The following ZNF503 variants were observed in gnomAD, a reference collection of about 807,000 sequenced individuals.
ZNF503 encodes the protein NocA-like zinc finger 2.
In ZNF503, 15 loss-of-function variants were observed where a neutral mutation model predicts 34.4. The ratio of observed to expected loss-of-function variants is 0.44; its 90% confidence interval spans 0.29 to 0.67. ZNF503 has a LOEUF of 0.67. Ranked by LOEUF, ZNF503 falls within the 30% of genes least tolerant of loss-of-function variation. ZNF503 has a pLI of 0.13. For missense variants in ZNF503, 1,007 were observed against 926.8 expected (o/e 1.09, Z -1.12); for synonymous variants, 580 against 456.8 (o/e 1.27, Z -3.44).
At chr10:75,357,354 C>CA in the ZNF503 span, among the ~76,000 whole-genome samples, 9,961 of 118,004 alleles carry the variant, frequency 0.084, 901 homozygotes, top group African/African-American at 0.25. Context: ...TCCATCTTTA[C>CA]AAAAAAAAAA....
At chr10:75,310,138 G>A in the ZNF503 span, among the ~76,000 whole-genome samples, 1 of 152,162 alleles carries the variant, frequency 6.6e-6, no homozygotes, top group East Asian at 1.9e-4. Context: ...CTATATTCTA[G>A]AACTTCCACT....
chr10:75,334,223 C>G, the ZNF503 span, among the ~76,000 whole-genome samples: 1 of 152,010 alleles, frequency 6.6e-6, no homozygotes, highest in Non-Finnish European at 1.5e-5. Context: ...GGGGCCCGTC[C>G]GCTCCTCCAG....
chr10:75,391,763 C>A, the ZNF503 span, among the ~76,000 whole-genome samples: 2 of 151,946 alleles, frequency 1.3e-5, no homozygotes, highest in African/African-American at 4.8e-5. Flanking sequence ...TCTGCTTTCT[C>A]CTCTCTCCCT....
At chr10:75,370,443 G>C in the ZNF503 span, among the ~76,000 whole-genome samples, 1 of 152,076 alleles carries the variant, frequency 6.6e-6, no homozygotes, top group Non-Finnish European at 1.5e-5. Flanking sequence ...TGCTCATCTG[G>C]GAAGGTGCTT....
At chr10:75,388,705 G>T in the ZNF503 span, among the ~76,000 whole-genome samples, 118 of 152,302 alleles carry the variant, frequency 7.7e-4, 1 homozygote, top group African/African-American at 2.7e-3. Flanking sequence ...CAGTGAGGTT[G>T]CACAAGTGTA....
At chr10:75,303,412 G>A in the ZNF503 span, among the ~76,000 whole-genome samples, 1 of 152,212 alleles carries the variant, frequency 6.6e-6, no homozygotes, top group Non-Finnish European at 1.5e-5. Flanking sequence ...ATAAGGATTG[G>A]GTGAGGGTCT....
At chr10:75,319,685 G>T in the ZNF503 span, among the ~76,000 whole-genome samples, 2 of 152,248 alleles carry the variant, frequency 1.3e-5, no homozygotes, top group South Asian at 4.1e-4. Context: ...ATAATTAAAA[G>T]ACAGAGATTG....
In ZNF503 at chr10:75,398,458, T is replaced by G; in HGVS notation, c.*291A>C. Reference sequence around the variant, plus strand: ...AGTGTCCACCGATGCAGTCCTCAGATGAACACTTTCTCAATTATTTTTTCC... The same window carrying G: ...AGTGTCCACCGATGCAGTCCTCAGAGGAACACTTTCTCAATTATTTTTTCC... On this transcript the variant is annotated 3_prime_UTR_variant, in exon 2 of 2. Coordinates refer to ENST00000372524, the MANE Select transcript of ZNF503 (RefSeq NM_032772.6). 1 of 298,838 alleles carries G rather than the reference T, an allele frequency of 3.3e-6. No individual in the cohort carries two copies. The highest frequency in any genetic ancestry group is 5.4e-5 in the East Asian group (1 of 18,656). 18.5% of individuals were successfully genotyped at this position (298,838 alleles called of 1,614,324 possible).
chr10:75,324,351 C>T, the ZNF503 span, among the ~76,000 whole-genome samples: 2 of 148,924 alleles, frequency 1.3e-5, no homozygotes, highest in African/African-American at 2.5e-5. Context: ...GACAGGGTCT[C>T]GCTCTATCAC....
the ZNF503 span, chr10:75,358,189 C>A: frequency 2.6e-5 from 4 of 152,200 alleles, no homozygotes; most frequent in Non-Finnish European, 5.9e-5. Flanking sequence ...TGCCTCTCCA[C>A]TGTGCTTTTC....
At chr10:75,371,753 G>T in the ZNF503 span, among the ~76,000 whole-genome samples, 2 of 152,128 alleles carry the variant, frequency 1.3e-5, no homozygotes, top group Non-Finnish European at 2.9e-5. Flanking sequence ...GAGATGGTAG[G>T]GGTGGGGTGG....
At chr10:75,400,987 C>G in intron 1 of ZNF503, 118 bp downstream of exon 1, 1 of 1,427,768 alleles carries the variant, frequency 7.0e-7, no homozygotes, top group Non-Finnish European at 9.5e-7. Flanking sequence ...CCTCTTCCCC[C>G]ATTCGGGAGC....
the ZNF503 span, among the ~76,000 whole-genome samples, chr10:75,315,886 G>A: frequency 2.0e-5 from 3 of 152,272 alleles, no homozygotes; most frequent in African/African-American, 4.8e-5. Flanking sequence ...AAAGTGAAGG[G>A]ATGAAAAAGA....
At chr10:75,396,258 C>T (rs1238450199), downstream of ZNF503, among the ~76,000 whole-genome samples, 2 of 152,190 alleles carry the variant, frequency 1.3e-5, no homozygotes, top group Non-Finnish European at 1.5e-5. This position sits in a 1 kb window ranked among gnomAD's most constrained non-coding sequence, Gnocchi z 4.4. Flanking sequence ...GGACCGGGGC[C>T]GCGGCGTCCG....
At chr10:75,355,538 C>T in the ZNF503 span, among the ~76,000 whole-genome samples, 1 of 152,136 alleles carries the variant, frequency 6.6e-6, no homozygotes, top group Non-Finnish European at 1.5e-5. Context: ...TGACTGAGTC[C>T]TCCCCACCCT....
At chr10:75,291,489 G>A in the ZNF503 span, among the ~76,000 whole-genome samples, 2 of 152,096 alleles carry the variant, frequency 1.3e-5, no homozygotes, top group Non-Finnish European at 2.9e-5. Context: ...ATTTATGCCT[G>A]TAGTCCCAGC....
At chr10:75,286,156 G>A in the ZNF503 span, among the ~76,000 whole-genome samples, 5,822 of 151,906 alleles carry the variant, frequency 0.038, 383 homozygotes, top group African/African-American at 0.13. Flanking sequence ...GGTGGCACGC[G>A]CCTGTAGTCC....
chr10:75,321,692 T>G, the ZNF503 span, among the ~76,000 whole-genome samples: 1 of 152,316 alleles, frequency 6.6e-6, no homozygotes, highest in African/African-American at 2.4e-5. Flanking sequence ...GGAGTGATGA[T>G]TTAGTGTAGC....
chr10:75,349,630 C>T, the ZNF503 span, among the ~76,000 whole-genome samples: 1 of 152,212 alleles, frequency 6.6e-6, no homozygotes, highest in Non-Finnish European at 1.5e-5. Flanking sequence ...GTCTGTCTGA[C>T]TCCAATGCCC....
Sources: gnomAD v4.1 joint callset for allele counts (sites outside exome capture counted in the v4.1 genomes callset) on GRCh38, gnomAD v4.1.1 for gene constraint, Gnocchi (gnomAD v3.1) non-coding constraint, MANE v1.5 for transcripts, NCBI Gene and HGNC (gene_info 2026-07-23, HGNC 2026-07-21) for gene names.